ITGA6: variants seen among roughly 807,000 people sequenced by gnomAD.
ITGA6 encodes the protein integrin subunit alpha 6.
A neutral mutation model predicts 133.6 loss-of-function variants in ITGA6; 63 were observed. The observed-to-expected ratio is 0.47, with a 90% CI of 0.38 to 0.58. ITGA6 has a LOEUF of 0.58. ITGA6 is among the 20% of genes least tolerant of loss of function. ITGA6 has a pLI of 0.00. For missense variants in ITGA6, 1,068 were observed against 1,309.4 expected (o/e 0.82, Z 2.85); for synonymous variants, 434 against 482.0 (o/e 0.90, Z 1.30).
At position 172,487,009 on chromosome 2, in the gene ITGA6, T is replaced by C; in HGVS notation, c.1855-14T>C. On this transcript the variant is annotated splice_polypyrimidine_tract_variant and intron_variant, in intron 13 of 25. Transcript: ENST00000684293. ...GAATGGTGTAAATTGACAATAGTTTTCGTTTTCCTACAGGTTCACTTCTTA... is the reference window on the plus strand; with the variant it reads ...GAATGGTGTAAATTGACAATAGTTTCCGTTTTCCTACAGGTTCACTTCTTA... 1 of 1,443,114 alleles carries C rather than the reference T, an allele frequency of 6.9e-7. No homozygotes were observed. Among genetic ancestry groups the C allele is most frequent in the Non-Finnish European group, 9.8e-7 (1 of 1,024,224 alleles). 89.4% of individuals were successfully genotyped at this position (1,443,114 alleles called of 1,614,324 possible).
chr2:172,477,974 C>T lies in ITGA6; in HGVS notation c.1388+1461C>T, dbSNP rs564435935. ...AAGACTTATTTTCTATGTTAAAAGA[C>T]ACAGTTTTCATAATTCATGTATATT... On this transcript the variant is annotated intron_variant, in intron 9 of 25. Transcript: ENST00000684293. Among the ~76,000 whole-genome samples the T allele has an allele frequency of 1.5e-4, 23 of 152,266 alleles. No individual in the cohort carries two copies. The South Asian group carries it at 3.3e-3, about 22-fold the overall frequency.
chr2:172,498,218 A>G (rs1053647276), intron 24 of ITGA6, 118 bp downstream of exon 24: 3 of 1,081,968 alleles, frequency 2.8e-6, no homozygotes, highest in Non-Finnish European at 4.1e-6. Context: ...TAACATTATG[A>G]AACTCTTTTG....
chr2:172,480,907 C>T (rs1029380676), intron 11 of ITGA6: 3 of 152,266 alleles, frequency 2.0e-5, no homozygotes, highest in South Asian at 2.1e-4. Context: ...TAGTGGCCGT[C>T]GTAAGCTCTC....
At position 172,440,022 on chromosome 2, in the gene ITGA6, T is replaced by C. The variant is rs535528245; in HGVS notation, c.182+12052T>C. 3.3e-5 allele frequency among the ~76,000 whole-genome samples: 5 copies of C among 152,294 alleles called. No homozygotes were observed. The South Asian group carries it at 1.0e-3, about 32-fold the overall frequency. On this transcript the variant is annotated intron_variant, in intron 1 of 25. Coordinates refer to ENST00000684293, the MANE Select transcript of ITGA6 (RefSeq NM_000210.4). ...CTTACTAGGGCACTCCAAATGACCA[T>C]AGCACATTTTTTCAGTGGAGTCTCA...
rs116552420 is a variant in ITGA6 at position 172,456,153 on chromosome 2, C to T, written c.183-9386C>T. ...CTTAGAGAGCAGGCACTTCCCCCTG[C>T]AGCCAGAGGAGAGACAGTACTTCTG... On this transcript the variant is annotated intron_variant, in intron 1 of 25. Transcript: ENST00000684293. 3.4e-3 allele frequency among the ~76,000 whole-genome samples: 512 copies of T among 152,314 alleles called. 4 individuals carry two copies. The highest frequency in any genetic ancestry group is 0.012 in the African/African-American group (495 of 41,566).
chr2:172,465,525 T>C lies in ITGA6; in HGVS notation c.183-14T>C. ...TAAATTCAAATCTCCAAATTGTCTC[T>C]GTTTCATCAACAGGTTGCTCGTGGG... On this transcript the variant is annotated splice_polypyrimidine_tract_variant and intron_variant, in intron 1 of 25. Coordinates refer to ENST00000684293, the MANE Select transcript of ITGA6 (RefSeq NM_000210.4). The C allele has an allele frequency of 6.2e-7, 1 of 1,614,164 alleles. No homozygotes were observed.
intron 1 of ITGA6, among the ~76,000 whole-genome samples, chr2:172,431,283 T>G (rs550722791): frequency 6.7e-6 from 1 of 149,714 alleles, no homozygotes; most frequent in Admixed American, 6.6e-5. Flanking sequence ...AGCAGAATCT[T>G]AACAGAATGT....
chr2:172,478,812 C>G (rs1686295128), intron 9 of ITGA6, among the ~76,000 whole-genome samples: 1 of 152,232 alleles, frequency 6.6e-6, no homozygotes, highest in Admixed American at 6.5e-5. Flanking sequence ...GGGTGGGAGA[C>G]TCCGAGGGAG....
chr2:172,474,844 T>C (rs187512988), intron 6 of ITGA6, 85 bp from the exon 7 acceptor site: 4 of 783,840 alleles, frequency 5.1e-6, no homozygotes, highest in African/African-American at 5.1e-5. Context: ...TTCTATTATA[T>C]GTCTTTGTAT....
rs541538007 is a variant in ITGA6 at position 172,491,756 on chromosome 2, CT to C, written c.2988+234del. Among the ~76,000 whole-genome samples the C allele has an allele frequency of 2.9e-3, 448 of 152,292 alleles. 3 individuals carry two copies. The highest frequency in any genetic ancestry group is 0.01 in the African/African-American group (431 of 41,560). On this transcript the variant is annotated intron_variant, in intron 23 of 25. Transcript: ENST00000684293. The surrounding 1 kb of genome is among the most constrained non-coding windows in gnomAD (Gnocchi z 4.4). ...GTGCCCATGGTAGGTTTGAGAACTA[CT>C]GGCTCAATTCAGAGAATGGGTGCAC...
At chr2:172,439,618 T>G (rs576665313) in intron 1 of ITGA6, among the ~76,000 whole-genome samples, 65 of 151,910 alleles carry the variant, frequency 4.3e-4, no homozygotes, top group African/African-American at 1.5e-3. Context: ...TTCGAAGACA[T>G]TGCAAGCTTT....
At chr2:172,445,477 GTC>G (rs1428533580) in intron 1 of ITGA6, among the ~76,000 whole-genome samples, 1 of 150,038 alleles carries the variant, frequency 6.7e-6, no homozygotes, top group Non-Finnish European at 1.5e-5. Flanking sequence ...GTGAAACCCC[GTC>G]TCTACAAAAA....
intron 1 of ITGA6, among the ~76,000 whole-genome samples, chr2:172,445,269 A>G (rs900756099): frequency 6.8e-6 from 1 of 146,248 alleles, no homozygotes; most frequent in African/African-American, 2.6e-5. Context: ...CCCGGCTGGT[A>G]TTTATACTTT....
At position 172,487,567 on chromosome 2, in the gene ITGA6, T is replaced by C. The variant is rs766152026; in HGVS notation, c.2181T>C (p.Val727=). 1 of 1,614,216 alleles carries C rather than the reference T, an allele frequency of 6.2e-7. No individual in the cohort carries two copies. The change falls in exon 16 of 26, where the codon GTT becomes GTC. Residue 727 remains valine (V), a synonymous_variant. Transcript: ENST00000684293. ...RAFPEKQLSC[V]ANQNGSQADC... ...TACAGGAGAAACAGTTGAGTTGTGT[T>C]GCCAACCAGAATGGCTCGCAAGCTG...
chr2:172,497,172 C>T (rs1308817088), intron 23 of ITGA6, among the ~76,000 whole-genome samples: 2 of 152,112 alleles, frequency 1.3e-5, no homozygotes. Context: ...CTACTTTTGC[C>T]TAAACTGGCC....
intron 4 of ITGA6, among the ~76,000 whole-genome samples, chr2:172,470,705 T>C (rs1210757444): frequency 6.6e-6 from 1 of 152,216 alleles, no homozygotes; most frequent in African/African-American, 2.4e-5. Flanking sequence ...TAAGCAAACC[T>C]TCCATTTTTC....
chr2:172,476,407 A>C lies in ITGA6; in HGVS notation c.1282A>C (p.Ile428Leu). Reference protein sequence around the residue: ...NTKPTQVLKGISPYFGYSIAG... With the variant: ...NTKPTQVLKGLSPYFGYSIAG... The stretch of plus-strand genomic sequence containing the variant: ...CTGTGTATTTCAGGTTCTCAAGGGT[A>C]TATCACCTTATTTTGGATATTCAAT... The change falls in exon 9 of 26, where the codon ATA becomes CTA. Residue 428 changes from isoleucine to leucine, a missense_variant. Coordinates refer to ENST00000684293, the MANE Select transcript of ITGA6 (RefSeq NM_000210.4). 6 of 1,589,730 alleles carry C rather than the reference A, an allele frequency of 3.8e-6. No individual in the cohort carries two copies. Among genetic ancestry groups the C allele is most frequent in the Non-Finnish European group, 5.2e-6 (6 of 1,157,960 alleles).
intron 3 of ITGA6, among the ~76,000 whole-genome samples, chr2:172,468,286 G>A (rs550697703): frequency 2.1e-4 from 32 of 152,284 alleles, no homozygotes; most frequent in Non-Finnish European, 4.4e-4. Flanking sequence ...AGAAAAGAGG[G>A]TTTGTTAGGT....
upstream of ITGA6, chr2:172,427,420 G>C: frequency 4.9e-6 from 5 of 1,027,146 alleles, no homozygotes; most frequent in Non-Finnish European, 5.8e-6. Context: ...GGGCTCCCAC[G>C]TCGTGGCTTC....
Sources: allele counts gnomAD v4.1 joint callset (sites outside exome capture counted in the v4.1 genomes callset), GRCh38; gene constraint gnomAD v4.1.1; non-coding constraint Gnocchi (gnomAD v3.1); transcripts MANE v1.5; gene names NCBI Gene and HGNC (gene_info 2026-07-23, HGNC 2026-07-21).